Variants in FAM13A observed in about 807,000 individuals in gnomAD.
FAM13A encodes protein FAM13A.
Under a neutral mutation model 129.6 loss-of-function variants are expected in FAM13A, and 76 were observed. That is an observed-to-expected ratio of 0.59 (90% CI 0.49 to 0.71). The LOEUF is 0.71. FAM13A is among the 30% of genes least tolerant of loss of function. The probability of loss-of-function intolerance (pLI) is 0.00; values close to 1 mark genes in which losing one functional copy is unlikely to be tolerated. For missense variants in FAM13A, 1,108 were observed against 1,249.3 expected (o/e 0.89, Z 1.70); for synonymous variants, 443 against 449.9 (o/e 0.98, Z 0.20).
chr4:88,812,589 G>A (rs1365904545), intron 7 of FAM13A, among the ~76,000 whole-genome samples: 1 of 152,120 alleles, frequency 6.6e-6, no homozygotes, highest in Non-Finnish European at 1.5e-5. Context: ...CTCAGTTCAA[G>A]TGTCATCTAA....
chr4:88,834,344 C>T (rs1406807129), intron 7 of FAM13A, among the ~76,000 whole-genome samples: 1 of 151,650 alleles, frequency 6.6e-6, no homozygotes, highest in Non-Finnish European at 1.5e-5. Flanking sequence ...ATCTTTTTTT[C>T]CTCATTGAAT....
At chr4:89,003,190 T>C (rs1237102452) in intron 3 of FAM13A, among the ~76,000 whole-genome samples, 1 of 142,722 alleles carries the variant, frequency 7.0e-6, no homozygotes, top group Non-Finnish European at 1.5e-5. Context: ...GAGCAGAAAA[T>C]AAAAAGGGCC....
intron 3 of FAM13A, among the ~76,000 whole-genome samples, chr4:89,012,794 A>G (rs1369502738): frequency 1.3e-5 from 2 of 152,182 alleles, no homozygotes; most frequent in African/African-American, 4.8e-5. Flanking sequence ...TTGATCTGAA[A>G]AATTTTAAGC....
chr4:88,823,231 A>G, intron 7 of FAM13A: 1 of 1,375,450 alleles, frequency 7.3e-7, no homozygotes, highest in Non-Finnish European at 9.4e-7. Context: ...CTCTACATTT[A>G]CACTGCAGTC....
intron 4 of FAM13A, among the ~76,000 whole-genome samples, chr4:88,949,785 C>T (rs1269026077): frequency 6.6e-6 from 1 of 152,146 alleles, no homozygotes; most frequent in Non-Finnish European, 1.5e-5. Flanking sequence ...TCCAGGAACT[C>T]AATTTATATT....
chr4:89,004,998 G>C (rs957026668), intron 3 of FAM13A, among the ~76,000 whole-genome samples: 2 of 151,380 alleles, frequency 1.3e-5, no homozygotes, highest in African/African-American at 4.9e-5. Context: ...TTTTGGTACA[G>C]ATTATTTAGT....
intron 6 of FAM13A, among the ~76,000 whole-genome samples, chr4:88,864,600 G>T (rs1267642729): frequency 6.6e-6 from 1 of 152,030 alleles, no homozygotes; most frequent in African/African-American, 2.4e-5. Context: ...GTAGAGACGG[G>T]GTTTCACCAT....
At chr4:88,954,757 G>A (rs900208360) in intron 4 of FAM13A, among the ~76,000 whole-genome samples, 6 of 151,860 alleles carry the variant, frequency 4.0e-5, no homozygotes, top group African/African-American at 7.3e-5. Context: ...ATGGTGGTGC[G>A]CGCCTATAAT....
intron 6 of FAM13A, among the ~76,000 whole-genome samples, chr4:88,868,056 A>T (rs908905851): frequency 2.6e-5 from 4 of 152,202 alleles, no homozygotes; most frequent in African/African-American, 9.6e-5. Flanking sequence ...TCAATACTAA[A>T]CTTGCCTCTG....
chr4:88,855,232 T>G (rs1738292272), intron 6 of FAM13A: 2 of 152,216 alleles, frequency 1.3e-5, no homozygotes, highest in Non-Finnish European at 2.9e-5. Flanking sequence ...TTTTCTTTTT[T>G]GGGTATTAGA....
intron 4 of FAM13A, among the ~76,000 whole-genome samples, chr4:88,939,038 C>A (rs1415407579): frequency 6.6e-6 from 1 of 152,198 alleles, no homozygotes; most frequent in African/African-American, 2.4e-5. Context: ...TTAAAAAGCA[C>A]CACTTAGGTC....
chr4:88,761,929 A>G (rs1038741540), intron 13 of FAM13A, among the ~76,000 whole-genome samples: 6 of 152,216 alleles, frequency 3.9e-5, no homozygotes, highest in Non-Finnish European at 8.8e-5. Context: ...CTTACAGAGA[A>G]GACAGTTAAT....
At chr4:88,891,933 T>C (rs1288705280) in intron 6 of FAM13A, among the ~76,000 whole-genome samples, 1 of 152,064 alleles carries the variant, frequency 6.6e-6, no homozygotes, top group African/African-American at 2.4e-5. Flanking sequence ...TCCCAGCACT[T>C]TGGGAGGCCG....
intron 3 of FAM13A, among the ~76,000 whole-genome samples, chr4:89,019,376 A>G (rs912618161): frequency 1.3e-5 from 2 of 152,200 alleles, no homozygotes; most frequent in African/African-American, 4.8e-5. Flanking sequence ...AAAAATAATA[A>G]AATAAATGGT....
intron 1 of FAM13A, among the ~76,000 whole-genome samples, chr4:89,046,250 A>G (rs1325516033): frequency 3.3e-5 from 5 of 152,080 alleles, no homozygotes; most frequent in African/African-American, 4.8e-5. Context: ...AAATAAAATA[A>G]AAGTATAACC....
intron 5 of FAM13A, among the ~76,000 whole-genome samples, chr4:88,924,875 C>T (rs567609809): frequency 4.9e-4 from 74 of 151,612 alleles, no homozygotes; most frequent in African/African-American, 1.7e-3. Flanking sequence ...ACAAACAACC[C>T]CATCAAAAAG....
Position 88,827,264 on chromosome 4 carries a change from C to T in FAM13A, c.1008-22212G>A, listed in dbSNP as rs61494451. On this transcript the variant is annotated intron_variant, in intron 7 of 23. Transcript: ENST00000264344. ...TCACCAAACCTTCTTGATCAACATTCGCCTTTGATTTCATCTGTCTTTCCT... is the reference window on the plus strand; with the variant it reads ...TCACCAAACCTTCTTGATCAACATTTGCCTTTGATTTCATCTGTCTTTCCT... Among the ~76,000 whole-genome samples, 426 of 152,290 alleles carry T rather than the reference C, an allele frequency of 2.8e-3. 4 individuals carry two copies. Among genetic ancestry groups the T allele is most frequent in the African/African-American group, 9.6e-3 (399 of 41,560 alleles).
intron 5 of FAM13A, among the ~76,000 whole-genome samples, chr4:88,929,202 T>C (rs966857864): frequency 2.0e-5 from 3 of 152,082 alleles, no homozygotes; most frequent in African/African-American, 4.8e-5. Context: ...TTTCAGCACT[T>C]TGAAAGTGCC....
intron 3 of FAM13A, among the ~76,000 whole-genome samples, chr4:89,014,033 C>A (rs1367059553): frequency 2.6e-5 from 4 of 152,144 alleles, no homozygotes; most frequent in African/African-American, 9.7e-5. Context: ...AGGGTTGACT[C>A]CCTCCTTGTG....
Sources: gnomAD v4.1 joint callset for allele counts (sites outside exome capture counted in the v4.1 genomes callset) on GRCh38, gnomAD v4.1.1 for gene constraint, MANE v1.5 for transcripts, NCBI Gene and HGNC (gene_info 2026-07-23, HGNC 2026-07-21) for gene names.